PRUNE2: variants seen among roughly 807,000 people sequenced by gnomAD.
PRUNE2 encodes prune homolog 2 with BCH domain.
A neutral mutation model predicts 252.0 loss-of-function variants in PRUNE2; 164 were observed. That is an observed-to-expected ratio of 0.65 (90% CI 0.57 to 0.74). The LOEUF (loss-of-function observed/expected upper bound fraction) is 0.74. Ranked by LOEUF, PRUNE2 falls within the 30% of genes least tolerant of loss-of-function variation. The probability of loss-of-function intolerance (pLI) is 0.00; values close to 1 mark genes in which losing one functional copy is unlikely to be tolerated. For missense variants in PRUNE2, 3,495 were observed against 3,711.0 expected, an observed-to-expected ratio of 0.94 and a Z score of 1.51; for synonymous variants, 1,292 against 1,350.2, an observed-to-expected ratio of 0.96 and a Z score of 0.94.
intron 6 of PRUNE2, among the ~76,000 whole-genome samples, chr9:76,742,001 T>A (rs954859539): frequency 1.3e-5 from 2 of 152,144 alleles, no homozygotes; most frequent in African/African-American, 4.8e-5. Flanking sequence ...TTGGTATACA[T>A]CTGAAGAAAG....
chr9:76,625,599 CATT>C (rs1834349997), intron 16 of PRUNE2, among the ~76,000 whole-genome samples: 1 of 152,160 alleles, frequency 6.6e-6, no homozygotes. Flanking sequence ...AGTCAAACCT[CATT>C]ATTTGCAGAT....
chr9:76,839,209 A>G (rs2059245256), intron 4 of PRUNE2, among the ~76,000 whole-genome samples: 1 of 152,200 alleles, frequency 6.6e-6, no homozygotes, highest in African/African-American at 2.4e-5. Context: ...CACATAAACA[A>G]TGTTGCAAAA....
rs1428109147 is a variant in PRUNE2 at position 76,706,722 on chromosome 9, G to C, written c.5552C>G (p.Ser1851Cys). Residue 1851 changes from serine to cysteine, a missense_variant, in exon 8 of 19, where the codon TCC becomes TGC. Ser to Cys is a moderately radical substitution (Grantham distance 112). Transcript: ENST00000376718. ...AGAATTTATCTCCAACACACCACTG[G>C]AGTCAGACAGCTCCCTTTCAAATGG... is the stretch of plus-strand genomic sequence containing the variant. ...ESPFERELSD[S>C]SGVLEINSSV... 6.2e-7 allele frequency: 1 copy of C among 1,613,198 alleles called. No individual in the cohort carries two copies. Among genetic ancestry groups the C allele is most frequent in the East Asian group, 2.2e-5 (1 of 44,854 alleles).
rs560459946 is a variant in PRUNE2, at chr9:76,769,436, ATGT to A, written c.756+54193_756+54195del. On this transcript the variant is annotated intron_variant, in intron 6 of 18. Transcript: ENST00000376718. ...GCTTTCCATTTCTTCCAAGTGAAAAATGTTGTTAAGAGTTTCGCTCTTCTTGCC... is the reference window on the plus strand; with the variant it reads ...GCTTTCCATTTCTTCCAAGTGAAAAATGTTAAGAGTTTCGCTCTTCTTGCC... 1.1e-3 allele frequency among the ~76,000 whole-genome samples: 168 copies of A among 152,230 alleles called. 3 individuals carry two copies. The South Asian group carries it at 0.018, about 17-fold the overall frequency.
intron 9 of PRUNE2, among the ~76,000 whole-genome samples, chr9:76,694,341 C>T (rs1394564005): frequency 6.6e-6 from 1 of 152,060 alleles, no homozygotes; most frequent in East Asian, 1.9e-4. Context: ...TGTCACCATG[C>T]CCAACTAATT....
chr9:76,902,088 A>G (rs560589129), intron 1 of PRUNE2, among the ~76,000 whole-genome samples: 1 of 152,260 alleles, frequency 6.6e-6, no homozygotes, highest in South Asian at 2.1e-4. Flanking sequence ...CAGTGTGGGG[A>G]GCCTGGCTTC....
chr9:76,703,673 T>A lies in PRUNE2; in HGVS notation c.7940A>T (p.Asp2647Val), dbSNP rs764938299. ...CCACCCAGGCCCTGAGTCCCTGGCA[T>A]CCAGTGATGGATCACCAACCTCACT... ...GHSEVGDPSLDARDSGPGWSG... is the reference protein window; with the variant it reads ...GHSEVGDPSLVARDSGPGWSG... The change falls in exon 9 of 19, where the codon GAT (aspartate) becomes GTT (valine). Residue 2647 changes from aspartate (D) to valine (V), a missense_variant. Asp to Val is a radical substitution (Grantham distance 152). Transcript: ENST00000376718. The A allele has an allele frequency of 5.0e-6, 8 of 1,612,862 alleles. No individual in the cohort carries two copies. The highest frequency in any genetic ancestry group is 5.9e-6 in the Non-Finnish European group (7 of 1,179,830).
intron 9 of PRUNE2, among the ~76,000 whole-genome samples, chr9:76,671,729 G>A (rs1253931090): frequency 1.3e-5 from 2 of 151,386 alleles, no homozygotes; most frequent in Admixed American, 6.6e-5. Context: ...CAAGCCAGAA[G>A]AGAGTGGGGG....
chr9:76,851,082 A>G (rs1008580002), intron 2 of PRUNE2, among the ~76,000 whole-genome samples: 1 of 152,074 alleles, frequency 6.6e-6, no homozygotes, highest in Non-Finnish European at 1.5e-5. Context: ...TTTAAGAGTA[A>G]CAAACTCACA....
At chr9:76,814,033 C>G (rs747468757) in intron 6 of PRUNE2, among the ~76,000 whole-genome samples, 12 of 152,174 alleles carry the variant, frequency 7.9e-5, no homozygotes, top group Non-Finnish European at 1.3e-4. Flanking sequence ...AGGCTGGTCT[C>G]TAACTCCCAG....
intron 1 of PRUNE2, among the ~76,000 whole-genome samples, chr9:76,865,885 G>T (rs1162364141): frequency 6.7e-6 from 1 of 149,404 alleles, no homozygotes; most frequent in Non-Finnish European, 1.5e-5. Context: ...CCCACTTCAT[G>T]ATCTAAAGTT....
At chr9:76,733,796 T>C (rs2048841566) in intron 6 of PRUNE2, 1 of 152,154 alleles carries the variant, frequency 6.6e-6, no homozygotes, top group Non-Finnish European at 1.5e-5. Flanking sequence ...TTTGCCCTAA[T>C]CTTCACACAA....
intron 1 of PRUNE2, among the ~76,000 whole-genome samples, chr9:76,856,798 G>C (rs1364040679): frequency 6.6e-6 from 1 of 151,650 alleles, no homozygotes; most frequent in Admixed American, 6.6e-5. Flanking sequence ...CTGTCACCCA[G>C]GCTGGAGTGT....
intron 6 of PRUNE2, among the ~76,000 whole-genome samples, chr9:76,733,091 T>G (rs1014491050): frequency 6.6e-6 from 1 of 152,206 alleles, no homozygotes. Context: ...TTTTTCTACC[T>G]GCTGAGAGAG....
chr9:76,850,510 A>G lies in PRUNE2; in HGVS notation c.297T>C (p.Asp99=). The G allele has an allele frequency of 6.2e-7, 1 of 1,614,028 alleles. No homozygotes were observed. The highest frequency in any genetic ancestry group is 1.1e-5 in the South Asian group (1 of 91,082). ...CAAGTGTTATCGATAACTTCCCTTCATCATTTAGCTGATGCAGGTTAATTT... is the reference window on the plus strand; with the variant it reads ...CAAGTGTTATCGATAACTTCCCTTCGTCATTTAGCTGATGCAGGTTAATTT... ...RDEINLHQLN[D]EGKLSITLVG... The change falls in exon 3 of 19, where the codon GAT becomes GAC. Residue 99 remains aspartate (D), a synonymous_variant. Coordinates refer to ENST00000376718, the MANE Select transcript of PRUNE2 (RefSeq NM_015225.3).
intron 6 of PRUNE2, among the ~76,000 whole-genome samples, chr9:76,781,776 T>C (rs190387353): frequency 2.6e-5 from 4 of 152,220 alleles, no homozygotes; most frequent in Admixed American, 2.0e-4. Flanking sequence ...ATAGTGTTGG[T>C]GAATGAGTTA....
Position 76,904,984 on chromosome 9 carries a change from G to A in PRUNE2, c.36+944C>T, listed in dbSNP as rs541388434. ...GACTTTACATTTTGGCTTCTATGAA[G>A]GCTTAAAGGTTAAAGGCATCATAAA... On this transcript the variant is annotated intron_variant, in intron 1 of 18. Transcript: ENST00000376718. 3.9e-5 allele frequency among the ~76,000 whole-genome samples: 6 copies of A among 152,272 alleles called. No homozygotes were observed. The South Asian group carries it at 1.2e-3, about 32-fold the overall frequency.
At chr9:76,642,038 C>T in intron 12 of PRUNE2, 3 of 1,166,136 alleles carry the variant, frequency 2.6e-6, no homozygotes, top group South Asian at 1.5e-5. Context: ...AGAAAAGAAA[C>T]TCCTTGTTAA....
rs752242474 is a variant in PRUNE2 at position 76,703,531 on chromosome 9, T to A, written c.8082A>T (p.Pro2694=). The change falls in exon 9 of 19, where the codon CCA becomes CCT. Residue 2694 remains proline, a synonymous_variant. Transcript: ENST00000376718. ...TCTTACTCTTCTGTGATTGGCTGAC[T>A]GGACCAGAGGCTTCCTCTAGTGCCA... The part of the protein sequence containing the change: ...ESLALEEASG[P]VSQSQKSKSR... 12 of 1,613,810 alleles carry A rather than the reference T, an allele frequency of 7.4e-6. No homozygotes were observed.
Sources: gnomAD v4.1 joint callset for allele counts (sites outside exome capture counted in the v4.1 genomes callset) on GRCh38, gnomAD v4.1.1 for gene constraint, MANE v1.5 for transcripts, NCBI Gene and HGNC (gene_info 2026-07-23, HGNC 2026-07-21) for gene names.